PIK3C3: variants seen among roughly 807,000 people sequenced by gnomAD.
PIK3C3 encodes PI3-kinase type 3.
PIK3C3 carries 95 observed loss-of-function variants against 126.1 expected under a neutral mutation model. The observed-to-expected ratio is 0.75, with a 90% CI of 0.64 to 0.89. The LOEUF is 0.89. Ranked by LOEUF, PIK3C3 falls within the 40% of genes least tolerant of loss-of-function variation. The pLI, the probability that PIK3C3 is intolerant of heterozygous loss-of-function variation, is 0.00. For missense variants in PIK3C3, 829 were observed against 1,063.2 expected (o/e 0.78, Z 3.06); for synonymous variants, 374 against 360.0 (o/e 1.04, Z -0.44).
intron 22 of PIK3C3, among the ~76,000 whole-genome samples, chr18:42,063,533 G>A (rs927303978): frequency 7.2e-5 from 11 of 152,108 alleles, no homozygotes; most frequent in Admixed American, 6.5e-5. Flanking sequence ...AAGTGGGTTA[G>A]GGCCTGATTT....
At chr18:42,042,651 A>G (rs1344875664) in intron 19 of PIK3C3, among the ~76,000 whole-genome samples, 2 of 152,252 alleles carry the variant, frequency 1.3e-5, no homozygotes, top group Non-Finnish European at 2.9e-5. Flanking sequence ...TTATAAAATG[A>G]AAACAGTGAC....
At chr18:41,967,939 T>C (rs1157649749) in intron 3 of PIK3C3, among the ~76,000 whole-genome samples, 1 of 152,210 alleles carries the variant, frequency 6.6e-6, no homozygotes, top group African/African-American at 2.4e-5. Flanking sequence ...CTCTCTCGCC[T>C]GTTTGGCTTA....
At chr18:41,981,989 A>C (rs964709990) in intron 4 of PIK3C3, among the ~76,000 whole-genome samples, 1 of 152,068 alleles carries the variant, frequency 6.6e-6, no homozygotes, top group Non-Finnish European at 1.5e-5. Flanking sequence ...GTCTCAAAAA[A>C]AAAAAGGTAC....
chr18:42,059,742 AT>A (rs1985232699), intron 22 of PIK3C3: 1 of 150,932 alleles, frequency 6.6e-6, no homozygotes, highest in African/African-American at 2.4e-5. Flanking sequence ...TGTACTTAAT[AT>A]TATCTGGACC....
rs1446370372 is a variant in PIK3C3 at position 42,027,669 on chromosome 18, T to C, written c.1590+121T>C. The stretch of plus-strand genomic sequence containing the variant: ...TATATATTTATTTTTATTTTTATTT[T>C]TTTGAGATGGAGGCTTGCTCTGTTA... On this transcript the variant is annotated intron_variant, in intron 14 of 24. Coordinates refer to ENST00000262039, the MANE Select transcript of PIK3C3 (RefSeq NM_002647.4). 15 of 403,490 alleles carry C rather than the reference T, an allele frequency of 3.7e-5. No homozygotes were observed. In the Admixed American group the frequency reaches 6.0e-4, roughly 16 times the overall value. The allele number at this position is 403,490 out of a possible 1,614,324, so 25.0% of individuals were successfully genotyped here.
At chr18:41,993,989 T>C (rs1981906393) in intron 7 of PIK3C3, among the ~76,000 whole-genome samples, 1 of 152,186 alleles carries the variant, frequency 6.6e-6, no homozygotes, top group African/African-American at 2.4e-5. Flanking sequence ...ACCATGATTT[T>C]TGCAGTTACA....
intron 2 of PIK3C3, among the ~76,000 whole-genome samples, chr18:41,959,470 GA>G (rs1979966260): frequency 6.6e-6 from 1 of 151,882 alleles, no homozygotes; most frequent in Admixed American, 6.6e-5. Context: ...AAACGACTTT[GA>G]AATTAAAATG....
chr18:42,049,641 A>C, intron 21 of PIK3C3, 36 bp downstream of exon 21: 1 of 1,448,802 alleles, frequency 6.9e-7, no homozygotes, highest in South Asian at 1.1e-5. Context: ...CATACATTGT[A>C]TATGCCCATG....
intron 1 of PIK3C3, 25 bp from the exon 2 acceptor site, chr18:41,957,545 A>G (rs1268783613): frequency 1.3e-6 from 2 of 1,597,002 alleles, no homozygotes; most frequent in African/African-American, 1.4e-5. Flanking sequence ...TCATGTCTGA[A>G]ACATTGTTGG....
chr18:42,015,653 T>G, intron 12 of PIK3C3, 87 bp downstream of exon 12: 2 of 832,412 alleles, frequency 2.4e-6, no homozygotes, highest in Non-Finnish European at 4.0e-6. Context: ...CAATTTTGAT[T>G]AAATAACTAA....
At chr18:42,002,645 T>G (rs1050608840) in intron 9 of PIK3C3, among the ~76,000 whole-genome samples, 4 of 152,322 alleles carry the variant, frequency 2.6e-5, no homozygotes, top group African/African-American at 9.6e-5. Flanking sequence ...CTGGAGTCAC[T>G]TAAGTAAATA....
Position 42,033,962 on chromosome 18 carries a change from T to G in PIK3C3, c.1839+5T>G. ...GAAACAGCTACACTGTTTAAAGTAA[T>G]TGTGATGGATATTTAATGTGTATGA... On this transcript the variant is annotated splice_donor_5th_base_variant and intron_variant, in intron 16 of 24. Coordinates refer to ENST00000262039, the MANE Select transcript of PIK3C3 (RefSeq NM_002647.4). 1 of 1,579,530 alleles carries G rather than the reference T, an allele frequency of 6.3e-7. No homozygotes were observed.
chr18:41,980,887 A>G (rs890624304), intron 4 of PIK3C3, among the ~76,000 whole-genome samples: 2 of 152,172 alleles, frequency 1.3e-5, no homozygotes, highest in Non-Finnish European at 2.9e-5. Flanking sequence ...AGGATCCTAG[A>G]TATAACATTT....
At chr18:42,058,479 A>G (rs1234115580) in intron 22 of PIK3C3, among the ~76,000 whole-genome samples, 2 of 152,236 alleles carry the variant, frequency 1.3e-5, no homozygotes, top group Non-Finnish European at 2.9e-5. Flanking sequence ...TTTCTTTATC[A>G]AAGAATATAG....
intron 14 of PIK3C3, among the ~76,000 whole-genome samples, chr18:42,028,675 C>G (rs887041681): frequency 4.6e-5 from 7 of 152,182 alleles, no homozygotes; most frequent in African/African-American, 1.7e-4. Flanking sequence ...CTTTGTCACC[C>G]TTGAAGACAT....
chr18:42,042,654 AC>A (rs1303689833), intron 19 of PIK3C3, among the ~76,000 whole-genome samples: 2 of 152,228 alleles, frequency 1.3e-5, no homozygotes, highest in African/African-American at 4.8e-5. Context: ...TAAAATGAAA[AC>A]AGTGACAGTT....
At chr18:41,959,024 G>A (rs182112408) in intron 2 of PIK3C3, among the ~76,000 whole-genome samples, 22 of 152,212 alleles carry the variant, frequency 1.4e-4, no homozygotes, top group Middle Eastern at 3.4e-3. Flanking sequence ...TTCCTTAATT[G>A]TATCAGAGAT....
chr18:42,049,561 G>A lies in PIK3C3; in HGVS notation c.2219G>A (p.Gly740Glu), dbSNP rs1568000315. 6.2e-7 allele frequency: 1 copy of A among 1,613,806 alleles called. No homozygotes were observed. The highest frequency in any genetic ancestry group is 8.5e-7 in the Non-Finnish European group (1 of 1,179,810). Residue 740 changes from glycine to glutamate, a missense_variant, in exon 21 of 25, where the codon GGA (glycine) becomes GAA (glutamate). This residue lies in a region of PIK3C3 where 196 missense variants were observed against 312.8 expected (regional missense o/e 0.63). Coordinates refer to ENST00000262039, the MANE Select transcript of PIK3C3 (RefSeq NM_002647.4). ...TATTGCGTGATCACCTATATACTTGGAGTTGGAGACAGGCACCTGGATAAC... is the reference window on the plus strand; with the variant it reads ...TATTGCGTGATCACCTATATACTTGAAGTTGGAGACAGGCACCTGGATAAC... ...AGYCVITYILGVGDRHLDNLL... is the reference protein window; with the variant it reads ...AGYCVITYILEVGDRHLDNLL...
At chr18:42,037,925 A>G in intron 17 of PIK3C3, 105 bp downstream of exon 17, 1 of 1,086,004 alleles carries the variant, frequency 9.2e-7, no homozygotes, top group Admixed American at 2.2e-5. Context: ...ACATTCAGGT[A>G]CGATCCTAGA....
Sources: allele counts gnomAD v4.1 joint callset (sites outside exome capture counted in the v4.1 genomes callset), GRCh38; gene constraint gnomAD v4.1.1; regional missense constraint gnomAD v4.1.1; transcripts MANE v1.5; gene names NCBI Gene and HGNC (gene_info 2026-07-23, HGNC 2026-07-21).